SYT2: variants seen among roughly 807,000 people sequenced by gnomAD.
The protein encoded by SYT2 is synaptotagmin 2.
A neutral mutation model predicts 39.9 loss-of-function variants in SYT2; 15 were observed. The ratio of observed to expected loss-of-function variants is 0.38; its 90% CI spans 0.25 to 0.58. The LOEUF (loss-of-function observed/expected upper bound fraction) is 0.58. Among genes scored for constraint, SYT2 ranks in the 20% least tolerant of loss-of-function variants. The pLI, the probability that SYT2 is intolerant of heterozygous loss-of-function variation, is 0.70. For missense variants in SYT2, 389 were observed against 530.3 expected (o/e 0.73, Z 2.62); for synonymous variants, 181 against 204.5 (o/e 0.89, Z 0.98).
intron 1 of SYT2, among the ~76,000 whole-genome samples, chr1:202,683,471 C>T (rs1259643383): frequency 6.6e-6 from 1 of 152,174 alleles, no homozygotes; most frequent in East Asian, 1.9e-4. Context: ...AATGTGGTGG[C>T]TCTCGCCTGT....
At chr1:202,656,031 G>T (rs1692271734) in intron 1 of SYT2, among the ~76,000 whole-genome samples, 1 of 152,222 alleles carries the variant, frequency 6.6e-6, no homozygotes, top group African/African-American at 2.4e-5. Context: ...GTGGCTTATT[G>T]TGTGCAGAGA....
chr1:202,681,996 G>A (rs969617430), intron 1 of SYT2, among the ~76,000 whole-genome samples: 21 of 152,176 alleles, frequency 1.4e-4, no homozygotes, highest in Admixed American at 1.4e-3. Flanking sequence ...TGAGGCCAGG[G>A]CCACGGTGGC....
intron 8 of SYT2, among the ~76,000 whole-genome samples, chr1:202,598,895 T>A (rs1003873654): frequency 6.6e-6 from 1 of 152,090 alleles, no homozygotes; most frequent in African/African-American, 2.4e-5. Context: ...CAGCGGCCAC[T>A]CCCACCCTCT....
intron 1 of SYT2, among the ~76,000 whole-genome samples, chr1:202,688,636 A>G (rs964968396): frequency 8.5e-5 from 13 of 152,332 alleles, no homozygotes; most frequent in African/African-American, 3.1e-4. Flanking sequence ...ATTTTACATG[A>G]GACCTTGAAG....
chr1:202,651,351 C>T (rs770372573), intron 1 of SYT2, among the ~76,000 whole-genome samples: 16 of 148,902 alleles, frequency 1.1e-4, no homozygotes, highest in Middle Eastern at 3.5e-3. Flanking sequence ...CAAGAGAGGA[C>T]GCACAGGGGT....
intron 1 of SYT2, among the ~76,000 whole-genome samples, chr1:202,622,777 G>A (rs546137951): frequency 2.6e-5 from 4 of 152,192 alleles, no homozygotes; most frequent in South Asian, 2.1e-4. Flanking sequence ...CACCTGCCTC[G>A]GATTATTTAT....
chr1:202,707,747 A>G (rs977721682), intron 1 of SYT2, among the ~76,000 whole-genome samples: 1 of 152,130 alleles, frequency 6.6e-6, no homozygotes, highest in Non-Finnish European at 1.5e-5. Flanking sequence ...GAAAAAGGAG[A>G]CCCCATTGAG....
intron 1 of SYT2, among the ~76,000 whole-genome samples, chr1:202,661,518 G>A (rs933053217): frequency 5.3e-5 from 8 of 152,140 alleles, no homozygotes; most frequent in South Asian, 2.1e-4. Flanking sequence ...CCCCAAACAC[G>A]GTGTCAGGCC....
At chr1:202,673,685 A>G (rs983380528) in intron 1 of SYT2, among the ~76,000 whole-genome samples, 1 of 152,226 alleles carries the variant, frequency 6.6e-6, no homozygotes, top group Admixed American at 6.5e-5. Flanking sequence ...TGCCCTGGAC[A>G]GCCCCAGCTG....
At chr1:202,685,663 G>T (rs1168756909) in intron 1 of SYT2, among the ~76,000 whole-genome samples, 3 of 152,126 alleles carry the variant, frequency 2.0e-5, no homozygotes, top group Non-Finnish European at 1.5e-5. Flanking sequence ...CGGTGTCTGG[G>T]TGAGATGCCT....
intron 1 of SYT2, among the ~76,000 whole-genome samples, chr1:202,662,946 G>T (rs1372817318): frequency 2.6e-5 from 4 of 152,230 alleles, no homozygotes; most frequent in African/African-American, 9.6e-5. Flanking sequence ...GGGGAAATGA[G>T]CTTGTTCTTT....
At chr1:202,637,545 G>A (rs1425667968) in intron 1 of SYT2, among the ~76,000 whole-genome samples, 2 of 152,256 alleles carry the variant, frequency 1.3e-5, no homozygotes, top group African/African-American at 4.8e-5. Context: ...GCAGCCGGCT[G>A]CCCTCAAGTC....
chr1:202,687,740 C>T (rs191676479), intron 1 of SYT2, among the ~76,000 whole-genome samples: 49 of 151,732 alleles, frequency 3.2e-4, no homozygotes, highest in African/African-American at 1.2e-3. Flanking sequence ...GCATATGCGG[C>T]TCAGACCGGG....
Position 202,645,209 on chromosome 1 carries a change from T to TCC in SYT2, c.-17-39422_-17-39421dup, listed in dbSNP as rs148869658. Among the ~76,000 whole-genome samples the TCC allele has an allele frequency of 6.6e-5, 10 of 152,042 alleles. No homozygotes were observed. In the South Asian group the frequency reaches 2.1e-3, roughly 32 times the overall value. ...GCTCAGCAGGAGGGCACCAGGGGTT[T>TCC]CCCCCCACTCTGCTACACTCCCGTA... On this transcript the variant is annotated intron_variant, in intron 1 of 8. Coordinates refer to ENST00000367268, the MANE Select transcript of SYT2 (RefSeq NM_177402.5).
At chr1:202,648,501 G>A (rs531272342) in intron 1 of SYT2, among the ~76,000 whole-genome samples, 2 of 152,314 alleles carry the variant, frequency 1.3e-5, no homozygotes, top group African/African-American at 4.8e-5. Context: ...TTGCAGGTGA[G>A]GAAACTAATA....
At chr1:202,640,734 CAGAGAGAGAGAGAGAGAGAGAGAG>C (rs56979202) in intron 1 of SYT2, among the ~76,000 whole-genome samples, 2,984 of 90,740 alleles carry the variant, frequency 0.033, 120 homozygotes, top group African/African-American at 0.093. Context: ...TCCTAATGGT[CAGAGAGAGAGAGAGAGAGAGAGAG>C]AGAGAGAGAG....
rs756936292 is a variant in SYT2, at chr1:202,599,683, C to T, written c.920-332G>A. 1.3e-5 allele frequency among the ~76,000 whole-genome samples: 2 copies of T among 152,158 alleles called. No individual in the cohort carries two copies. Among genetic ancestry groups the T allele is most frequent in the African/African-American group, 2.4e-5 (1 of 41,436 alleles). On this transcript the variant is annotated intron_variant, in intron 7 of 8. Coordinates refer to ENST00000367268, the MANE Select transcript of SYT2 (RefSeq NM_177402.5). This position sits in a 1 kb window ranked among gnomAD's most constrained non-coding sequence, Gnocchi z 4.4. ...TGGGGAGTGCTGAAGTCAGGACACA[C>T]ATCTGCTGGGTCATAATCCCAATCC...
intron 1 of SYT2, among the ~76,000 whole-genome samples, chr1:202,695,329 C>T (rs1558464692): frequency 6.6e-6 from 1 of 152,184 alleles, no homozygotes; most frequent in African/African-American, 2.4e-5. Context: ...AGAGATATAA[C>T]TGCCTCAGGG....
chr1:202,609,010 A>C, intron 1 of SYT2, among the ~76,000 whole-genome samples: 1 of 145,846 alleles, frequency 6.9e-6, no homozygotes, highest in African/African-American at 2.5e-5. Context: ...TATATCTCCT[A>C]ATGCTAACCC....
Sources: allele counts gnomAD v4.1 joint callset (sites outside exome capture counted in the v4.1 genomes callset), GRCh38; gene constraint gnomAD v4.1.1; non-coding constraint Gnocchi (gnomAD v3.1); transcripts MANE v1.5; gene names NCBI Gene and HGNC (gene_info 2026-07-23, HGNC 2026-07-21).